The following CENPU variants were observed in gnomAD, a reference collection of about 807,000 sequenced individuals.
The protein encoded by CENPU is KSHV latent nuclear antigen interacting protein 1.
Under a neutral mutation model 56.7 loss-of-function variants are expected in CENPU, and 46 were observed. The observed-to-expected ratio is 0.81, with a 90% CI of 0.64 to 1.04. The LOEUF (loss-of-function observed/expected upper bound fraction) is 1.04. Ranked by LOEUF, CENPU falls within the 50% of genes least tolerant of loss-of-function variation. CENPU has a pLI of 0.00. For missense variants in CENPU, 510 were observed against 490.1 expected (o/e 1.04, Z -0.38); for synonymous variants, 166 against 163.0 (o/e 1.02, Z -0.14).
At chr4:184,733,438 C>T (rs1452598383) in intron 1 of CENPU, 3 of 990,442 alleles carry the variant, frequency 3.0e-6, no homozygotes, top group African/African-American at 3.5e-5. Context: ...TGGCCATTCG[C>T]CAACGAATCA....
At chr4:184,719,512 C>T (rs1761203476) in intron 4 of CENPU, among the ~76,000 whole-genome samples, 1 of 152,220 alleles carries the variant, frequency 6.6e-6, no homozygotes, top group Non-Finnish European at 1.5e-5. Context: ...TGAGCTCTGA[C>T]AAGCCTTGCC....
intron 8 of CENPU, among the ~76,000 whole-genome samples, chr4:184,705,521 ATAT>A (rs1260736506): frequency 6.6e-6 from 1 of 152,120 alleles, no homozygotes; most frequent in Non-Finnish European, 1.5e-5. Context: ...TAAAATCCCT[ATAT>A]TATTCCTTAC....
chr4:184,706,582 G>A (rs1760736023), intron 8 of CENPU, among the ~76,000 whole-genome samples: 1 of 152,172 alleles, frequency 6.6e-6, no homozygotes, highest in Admixed American at 6.5e-5. Context: ...TACATAAACT[G>A]CTTATCATCA....
intron 1 of CENPU, 97 bp from the exon 2 acceptor site, chr4:184,731,065 A>G: frequency 1.3e-6 from 1 of 778,908 alleles, no homozygotes; most frequent in Non-Finnish European, 1.9e-6. Context: ...TTACCAAAAA[A>G]AAAAACAAGA....
rs943258847 is a variant in CENPU at position 184,694,487 on chromosome 4, A to G, written c.*801T>C. On this transcript the variant is annotated 3_prime_UTR_variant, in exon 13 of 13. Coordinates refer to ENST00000281453, the MANE Select transcript of CENPU (RefSeq NM_024629.4). ...ACATATCCTGAGTAAATATTTTCCT[A>G]TCCCACTCTCTATCCCTTCACCACT... 16 of 1,595,286 alleles carry G rather than the reference A, an allele frequency of 1.0e-5. No individual in the cohort carries two copies. The highest frequency in any genetic ancestry group is 1.4e-5 in the Non-Finnish European group (16 of 1,167,828).
intron 8 of CENPU, among the ~76,000 whole-genome samples, chr4:184,709,498 A>T (rs1265803178): frequency 1.3e-5 from 2 of 151,994 alleles, no homozygotes; most frequent in East Asian, 3.8e-4. Context: ...AAAAAAAAAA[A>T]ATCTGCCAAA....
chr4:184,713,934 T>A (rs1761004621), intron 6 of CENPU: 1 of 152,118 alleles, frequency 6.6e-6, no homozygotes, highest in Non-Finnish European at 1.5e-5. Context: ...CTTGTCTGAG[T>A]ACTGCCCATG....
intron 8 of CENPU, among the ~76,000 whole-genome samples, chr4:184,706,987 A>G (rs1437042568): frequency 1.3e-5 from 2 of 151,238 alleles, no homozygotes; most frequent in Non-Finnish European, 2.9e-5. Flanking sequence ...GAAGTCTATA[A>G]TAAGCTTCCT....
Position 184,695,320 on chromosome 4 carries a change from G to A in CENPU, c.1225C>T (p.His409Tyr), listed in dbSNP as rs766305340. ...TGGTCAAGGAGCTTCTCTAACTGATGGTTGATATTTCGCAGATGGCTTTCG... is the reference window on the plus strand; with the variant it reads ...TGGTCAAGGAGCTTCTCTAACTGATAGTTGATATTTCGCAGATGGCTTTCG... ...GAESHLRNIN[H>Y]QLEKLLDQG Residue 409 changes from histidine (H) to tyrosine (Y), a missense_variant, in exon 13 of 13, where the codon CAT becomes TAT. Transcript: ENST00000281453. 1.9e-6 allele frequency: 3 copies of A among 1,613,182 alleles called. No individual in the cohort carries two copies. Among genetic ancestry groups the A allele is most frequent in the Non-Finnish European group, 2.5e-6 (3 of 1,179,374 alleles).
At chr4:184,730,591 C>A (rs2150232804) in intron 2 of CENPU, among the ~76,000 whole-genome samples, 1 of 62,804 alleles carries the variant, frequency 1.6e-5, no homozygotes, top group South Asian at 8.8e-4. Context: ...AGTGGAGTAT[C>A]ATGAAATCAT....
Position 184,730,940 on chromosome 4 carries a change from T to G in CENPU, c.76A>C (p.Arg26=), listed in dbSNP as rs776660546. The G allele has an allele frequency of 1.9e-6, 3 of 1,582,288 alleles. No individual in the cohort carries two copies. The South Asian group carries it at 3.6e-5, about 19-fold the overall frequency. Residue 26 remains arginine (R), a synonymous_variant, in exon 2 of 13, where the codon AGA becomes CGA. Coordinates refer to ENST00000281453, the MANE Select transcript of CENPU (RefSeq NM_024629.4). The stretch of plus-strand genomic sequence containing the variant: ...CTTACATCTTTCATGGAATGTGTTC[T>G]TTCTAAAGTGTTCTTTGAACGTCTT... ...GARRSKNTLE[R]THSMKDKAGQ... is the part of the protein sequence containing the mutation.
chr4:184,697,551 G>A, intron 12 of CENPU, 96 bp downstream of exon 12: 1 of 1,157,008 alleles, frequency 8.6e-7, no homozygotes, highest in Middle Eastern at 2.2e-4. Context: ...TTCTGTATCT[G>A]CATTTGTCTT....
At chr4:184,731,054 T>C in intron 1 of CENPU, 86 bp from the exon 2 acceptor site, 1 of 839,854 alleles carries the variant, frequency 1.2e-6, no homozygotes, top group Non-Finnish European at 1.7e-6. Context: ...TCCGCGCATT[T>C]TTACCAAAAA....
At chr4:184,714,876 C>T (rs1761037193) in intron 6 of CENPU, among the ~76,000 whole-genome samples, 1 of 151,182 alleles carries the variant, frequency 6.6e-6, no homozygotes, top group Admixed American at 6.6e-5. Flanking sequence ...ATAGATCAAG[C>T]AGACCATGCC....
At chr4:184,715,838 A>G (rs1761072682) in intron 6 of CENPU, among the ~76,000 whole-genome samples, 1 of 152,326 alleles carries the variant, frequency 6.6e-6, no homozygotes, top group Non-Finnish European at 1.5e-5. Context: ...GCTCACTGAA[A>G]GGACTGAACA....
chr4:184,709,485 C>CA (rs370228402), intron 8 of CENPU, among the ~76,000 whole-genome samples: 30,125 of 128,604 alleles, frequency 0.23, 3,866 homozygotes, highest in African/African-American at 0.4. Flanking sequence ...GACTCCATCT[C>CA]AAAAAAAAAA....
Position 184,707,047 on chromosome 4 carries a change from G to C in CENPU, c.797+3025C>G, listed in dbSNP as rs1414925275. On this transcript the variant is annotated intron_variant, in intron 8 of 12. Coordinates refer to ENST00000281453, the MANE Select transcript of CENPU (RefSeq NM_024629.4). ...GGATAACACAAGCAAGATGGTCTTG[G>C]GTGTGTTAACAGAACTGTCCTAGTT... is the stretch of plus-strand genomic sequence containing the variant. Among the ~76,000 whole-genome samples, 3 of 151,156 alleles carry C rather than the reference G, an allele frequency of 2.0e-5. No homozygotes were observed. The East Asian group carries it at 5.8e-4, about 29-fold the overall frequency.
chr4:184,710,849 T>G (rs1487304074), intron 7 of CENPU, among the ~76,000 whole-genome samples: 2 of 152,180 alleles, frequency 1.3e-5, no homozygotes, highest in African/African-American at 4.8e-5. Flanking sequence ...TACCCTAATT[T>G]TTTTTCTTAG....
At chr4:184,710,332 T>C in intron 7 of CENPU, 152 bp from the exon 8 acceptor site, 1 of 516,930 alleles carries the variant, frequency 1.9e-6, no homozygotes, top group Non-Finnish European at 3.4e-6. Flanking sequence ...TCACTTCTTA[T>C]CCCTGTGCAC....
Sources: gnomAD v4.1 joint callset for allele counts (sites outside exome capture counted in the v4.1 genomes callset) on GRCh38, gnomAD v4.1.1 for gene constraint, MANE v1.5 for transcripts, NCBI Gene and HGNC (gene_info 2026-07-23, HGNC 2026-07-21) for gene names.